GRK5: variants seen among roughly 807,000 people sequenced by gnomAD.
GRK5 encodes the protein G protein-coupled receptor kinase 5.
A neutral mutation model predicts 78.4 loss-of-function variants in GRK5; 40 were observed. The ratio of observed to expected loss-of-function variants is 0.51; its 90% CI spans 0.40 to 0.66. The LOEUF is 0.66. Ranked by LOEUF, GRK5 falls within the 30% of genes least tolerant of loss-of-function variation. GRK5 has a pLI of 0.00. For missense variants in GRK5, 598 were observed against 759.9 expected (o/e 0.79, Z 2.50); for synonymous variants, 289 against 296.8 (o/e 0.97, Z 0.27).
At chr10:119,234,523 T>A (rs1190782804) in intron 1 of GRK5, among the ~76,000 whole-genome samples, 1 of 152,176 alleles carries the variant, frequency 6.6e-6, no homozygotes, top group Admixed American at 6.5e-5. Context: ...TGGGGGTTAC[T>A]TTTTTCAGGT....
chr10:119,361,367 G>A (rs529818774), intron 2 of GRK5, among the ~76,000 whole-genome samples: 1 of 152,342 alleles, frequency 6.6e-6, no homozygotes, highest in East Asian at 1.9e-4. Context: ...AGGCCATCAT[G>A]ATTCAACCAT....
At chr10:119,236,272 G>A (rs1424100491) in intron 1 of GRK5, among the ~76,000 whole-genome samples, 1 of 152,044 alleles carries the variant, frequency 6.6e-6, no homozygotes, top group Non-Finnish European at 1.5e-5. Context: ...CTGGAGTGCA[G>A]TGGCGCGATC....
chr10:119,347,507 C>T (rs1056722777), intron 2 of GRK5, among the ~76,000 whole-genome samples: 1 of 152,266 alleles, frequency 6.6e-6, no homozygotes, highest in African/African-American at 2.4e-5. Context: ...ACGCCCATCA[C>T]CAGACTGTAA....
At chr10:119,236,535 C>T (rs553653936) in intron 1 of GRK5, among the ~76,000 whole-genome samples, 3 of 152,206 alleles carry the variant, frequency 2.0e-5, no homozygotes, top group Admixed American at 6.5e-5. Context: ...TTTTAAAAAT[C>T]GGGAAATTTC....
chr10:119,446,180 C>T (rs1051803964), intron 12 of GRK5, among the ~76,000 whole-genome samples: 1 of 152,196 alleles, frequency 6.6e-6, no homozygotes, highest in Admixed American at 6.5e-5. Context: ...TCTCACTTCT[C>T]CTGGTGTCCA....
chr10:119,348,630 G>A (rs529515358), intron 2 of GRK5, among the ~76,000 whole-genome samples: 149 of 152,318 alleles, frequency 9.8e-4, no homozygotes, highest in African/African-American at 3.4e-3. Flanking sequence ...CAGGCAGGAC[G>A]ATGCTATGTG....
At chr10:119,209,487 G>GTTTTTTTT (rs60169912) in intron 1 of GRK5, among the ~76,000 whole-genome samples, 1 of 98,922 alleles carries the variant, frequency 1.0e-5, no homozygotes, top group African/African-American at 3.7e-5. Flanking sequence ...TGTGTGTGTG[G>GTTTTTTTT]TTTTTTTTTT....
At chr10:119,410,282 C>T (rs1468306219) in intron 4 of GRK5, among the ~76,000 whole-genome samples, 1 of 152,176 alleles carries the variant, frequency 6.6e-6, no homozygotes, top group Non-Finnish European at 1.5e-5. Flanking sequence ...GCTCTCAGGG[C>T]CCCCAGTTAA....
At chr10:119,354,963 A>C (rs2133802693) in intron 2 of GRK5, among the ~76,000 whole-genome samples, 1 of 152,242 alleles carries the variant, frequency 6.6e-6, no homozygotes, top group East Asian at 1.9e-4. Flanking sequence ...AGAATGCCAA[A>C]ATCCATGAAT....
chr10:119,420,363 A>C (rs1450951748), intron 4 of GRK5, among the ~76,000 whole-genome samples: 1 of 150,992 alleles, frequency 6.6e-6, no homozygotes, highest in Admixed American at 6.6e-5. Context: ...CAAAAAAAAA[A>C]AACAAGAAGA....
At chr10:119,308,352 C>T (rs1850304943) in intron 1 of GRK5, among the ~76,000 whole-genome samples, 1 of 151,656 alleles carries the variant, frequency 6.6e-6, no homozygotes, top group South Asian at 2.1e-4. Flanking sequence ...AAATTGTGTG[C>T]TCATGGTAGA....
At chr10:119,423,125 T>C in intron 4 of GRK5, 41 bp from the exon 5 acceptor site, 1 of 1,382,248 alleles carries the variant, frequency 7.2e-7, no homozygotes. Context: ...GCACTGCTGC[T>C]GGCTCCTCAC....
intron 2 of GRK5, among the ~76,000 whole-genome samples, chr10:119,350,354 A>G (rs1452858077): frequency 6.6e-6 from 1 of 152,260 alleles, no homozygotes; most frequent in African/African-American, 2.4e-5. Flanking sequence ...AACTTGCCAA[A>G]TAAAACATTT....
In GRK5 at chr10:119,207,910, G is replaced by A. The variant is rs376205003; in HGVS notation, c.-8G>A. Reference sequence around the variant, plus strand: ...CCGGCCGGCTCCGTTGCTGACCGCCGACTGTCAATGGAGCTGGAAAACATC... The same window carrying A: ...CCGGCCGGCTCCGTTGCTGACCGCCAACTGTCAATGGAGCTGGAAAACATC... On this transcript the variant is annotated 5_prime_UTR_variant, in exon 1 of 16. Coordinates refer to ENST00000392870, the MANE Select transcript of GRK5 (RefSeq NM_005308.3). 1.3e-6 allele frequency: 2 copies of A among 1,598,080 alleles called. No individual in the cohort carries two copies. The highest frequency in any genetic ancestry group is 1.7e-6 in the Non-Finnish European group (2 of 1,173,984).
chr10:119,253,617 C>T lies in GRK5; in HGVS notation c.52+45648C>T, dbSNP rs762339877. 4.6e-5 allele frequency among the ~76,000 whole-genome samples: 7 copies of T among 152,204 alleles called. No homozygotes were observed. Among genetic ancestry groups the T allele is most frequent in the Admixed American group, 2.6e-4 (4 of 15,278 alleles). ...GCACACCCAGCTCGTTTGGAGGTCA[C>T]GGCTCACCATAAAAATGGTGTGAGT... On this transcript the variant is annotated intron_variant, in intron 1 of 15. Coordinates refer to ENST00000392870, the MANE Select transcript of GRK5 (RefSeq NM_005308.3). The surrounding 1 kb of genome is among the most constrained non-coding windows in gnomAD (Gnocchi z 5.7).
At chr10:119,450,950 G>A (rs927648185) in intron 13 of GRK5, among the ~76,000 whole-genome samples, 158 of 145,598 alleles carry the variant, frequency 1.1e-3, no homozygotes, top group Non-Finnish European at 1.9e-3. Flanking sequence ...CCAACCCCCA[G>A]TCATCCCTGC....
chr10:119,384,520 A>C (rs1364593120), intron 3 of GRK5, among the ~76,000 whole-genome samples: 2 of 152,170 alleles, frequency 1.3e-5, no homozygotes, highest in Non-Finnish European at 2.9e-5. Context: ...TTAGGTAGAG[A>C]CTACATGAGT....
rs1234040940 is a variant in GRK5 at position 119,336,579 on chromosome 10, C to G, written c.148+9968C>G. On this transcript the variant is annotated intron_variant, in intron 2 of 15. Coordinates refer to ENST00000392870, the MANE Select transcript of GRK5 (RefSeq NM_005308.3). The surrounding 1 kb of genome is among the most constrained non-coding windows in gnomAD (Gnocchi z 4.5). ...CACTGTTTCCCCCTTTCCTTGTTAGCTTTGTGCCCCCTGATGAGTCTGGGG... is the reference window on the plus strand; with the variant it reads ...CACTGTTTCCCCCTTTCCTTGTTAGGTTTGTGCCCCCTGATGAGTCTGGGG... 1.3e-5 allele frequency among the ~76,000 whole-genome samples: 2 copies of G among 152,164 alleles called. No individual in the cohort carries two copies. Among genetic ancestry groups the G allele is most frequent in the Non-Finnish European group, 2.9e-5 (2 of 68,024 alleles).
chr10:119,263,494 C>T (rs1382270237), intron 1 of GRK5, among the ~76,000 whole-genome samples: 1 of 152,180 alleles, frequency 6.6e-6, no homozygotes, highest in East Asian at 1.9e-4. Flanking sequence ...GCTTGGCAAA[C>T]AGGGATGGAT....
Sources: allele counts gnomAD v4.1 joint callset (sites outside exome capture counted in the v4.1 genomes callset), GRCh38; gene constraint gnomAD v4.1.1; non-coding constraint Gnocchi (gnomAD v3.1); transcripts MANE v1.5; gene names NCBI Gene and HGNC (gene_info 2026-07-23, HGNC 2026-07-21).